BEND2: variants seen among roughly 807,000 people sequenced by gnomAD.
BEND2 encodes BEN domain-containing protein 2.
A neutral mutation model predicts 43.8 loss-of-function variants in BEND2; 19 were observed. The observed-to-expected ratio is 0.43, with a 90% CI of 0.30 to 0.64. The LOEUF is 0.64. Ranked by LOEUF, BEND2 falls within the 30% of genes least tolerant of loss-of-function variation. The pLI is 0.11. For missense variants in BEND2, 544 were observed against 574.0 expected (o/e 0.95, Z 0.53); for synonymous variants, 226 against 210.1 (o/e 1.08, Z -0.66).
chrX:18,200,910 G>A (rs1925123108), intron 6 of BEND2, among the ~76,000 whole-genome samples: 1 of 112,315 alleles, frequency 8.9e-6, no homozygotes, highest in Non-Finnish European at 1.9e-5. Context: ...AGTAAGATCT[G>A]TGGAGTGTAT....
rs1184410150 is a variant in BEND2 at position 18,174,272 on chromosome X, A to T, written c.1753-14T>A. The T allele has an allele frequency of 1.7e-6, 2 of 1,187,493 alleles. No homozygotes were observed. Among genetic ancestry groups the T allele is most frequent in the Non-Finnish European group, 2.3e-6 (2 of 875,103 alleles). On this transcript the variant is annotated splice_polypyrimidine_tract_variant and intron_variant, in intron 11 of 13. Transcript: ENST00000380033. Reference sequence around the variant, plus strand: ...GCGAACAGTTTTCTGTTGAAACACAAAATCATATCCGTAAACAAAGTCCCA... The same window carrying T: ...GCGAACAGTTTTCTGTTGAAACACATAATCATATCCGTAAACAAAGTCCCA...
intron 7 of BEND2, among the ~76,000 whole-genome samples, chrX:18,192,081 C>T (rs1490983190): frequency 1.8e-5 from 2 of 111,935 alleles, no homozygotes; most frequent in African/African-American, 6.5e-5. Context: ...TCAATCTCAC[C>T]AAAATTGCAA....
Position 18,165,491 on chromosome X carries a change from C to T in BEND2, c.2186-268G>A, listed in dbSNP as rs752337949. 3.6e-5 allele frequency among the ~76,000 whole-genome samples: 4 copies of T among 111,860 alleles called. No homozygotes were observed. The East Asian group carries it at 1.1e-3, about 32-fold the overall frequency. On this transcript the variant is annotated intron_variant, in intron 13 of 13. Coordinates refer to ENST00000380033, the MANE Select transcript of BEND2 (RefSeq NM_153346.5). ...ATACCAGAATAGAAATCCTCTGCTG[C>T]CTTGAGTACCCAAGGTCAACTTTTG...
At chrX:18,204,873 A>G (rs1365734981) in intron 4 of BEND2, among the ~76,000 whole-genome samples, 1 of 111,901 alleles carries the variant, frequency 8.9e-6, no homozygotes, top group Non-Finnish European at 1.9e-5. Context: ...TAAAAGACCA[A>G]ATACTCACTT....
chrX:18,191,403 C>G (rs778592818), intron 7 of BEND2, among the ~76,000 whole-genome samples: 8 of 111,774 alleles, frequency 7.2e-5, no homozygotes, highest in Non-Finnish European at 1.3e-4. Flanking sequence ...AACTAGGTCA[C>G]TCACATGTTG....
Position 18,177,601 on chromosome X carries a change from G to A in BEND2, c.1598C>T (p.Ser533Phe). The A allele has an allele frequency of 1.7e-6, 2 of 1,211,085 alleles. No homozygotes were observed. The highest frequency in any genetic ancestry group is 3.5e-5 in the South Asian group (2 of 56,934). ...TGCAGCCATTTTGTTCGGGTCGAGG[G>A]ATTGGCTGTCTTTCAAATGGATATC... Reference protein sequence around the residue: ...SVDIHLKDSQSLDPNKMAALR... With the variant: ...SVDIHLKDSQFLDPNKMAALR... Residue 533 changes from serine to phenylalanine, a missense_variant, in exon 10 of 14, where the codon TCC becomes TTC. Physicochemically the swap from Ser to Phe is radical, Grantham distance 155 (BLOSUM62 -2). This residue lies in a region of BEND2 where 501 missense variants were observed against 501.6 expected (regional missense o/e 1.00). Coordinates refer to ENST00000380033, the MANE Select transcript of BEND2 (RefSeq NM_153346.5).
At chrX:18,192,302 A>C (rs1924797658) in intron 7 of BEND2, among the ~76,000 whole-genome samples, 1 of 112,205 alleles carries the variant, frequency 8.9e-6, no homozygotes, top group Non-Finnish European at 1.9e-5. Context: ...GGGAAGATAA[A>C]GACATTCTCA....
chrX:18,170,272 G>A (rs2147388110), intron 13 of BEND2, among the ~76,000 whole-genome samples: 1 of 112,310 alleles, frequency 8.9e-6, no homozygotes, highest in Admixed American at 9.5e-5. Flanking sequence ...GGCATGTACT[G>A]TGTCACAATG....
intron 12 of BEND2, among the ~76,000 whole-genome samples, chrX:18,173,266 G>C (rs757978922): frequency 2.2e-4 from 24 of 111,509 alleles, no homozygotes; most frequent in Admixed American, 1.1e-3. Flanking sequence ...TTTGAATACA[G>C]GAGGTATTCA....
intron 1 of BEND2, among the ~76,000 whole-genome samples, chrX:18,217,639 G>T (rs184280860): frequency 9.0e-6 from 1 of 110,825 alleles, no homozygotes; most frequent in Non-Finnish European, 1.9e-5. Context: ...TTTTTTAAGA[G>T]TCACTCTGAA....
chrX:18,203,909 A>T lies in BEND2; in HGVS notation c.499T>A (p.Ser167Thr). The stretch of plus-strand genomic sequence containing the variant: ...CTTTCCGCTGGTGGTGATATGCTAG[A>T]CTGTACCTATCCAGGGTAAGAGAAC... ...RGRFYTPEVQ[S>T]SISPPAERQE... The change falls in exon 5 of 14, where the codon TCT (serine) becomes ACT (threonine). Residue 167 changes from serine to threonine, a missense_variant. This residue lies in a region of BEND2 where 501 missense variants were observed against 501.6 expected (regional missense o/e 1.00). Transcript: ENST00000380033. The T allele has an allele frequency of 8.4e-7, 1 of 1,189,622 alleles. No homozygotes were observed. The highest frequency in any genetic ancestry group is 1.1e-6 in the Non-Finnish European group (1 of 879,923).
intron 6 of BEND2, among the ~76,000 whole-genome samples, chrX:18,201,196 C>A (rs1342624655): frequency 1.8e-5 from 2 of 109,309 alleles, no homozygotes; most frequent in African/African-American, 6.7e-5. Flanking sequence ...GAGTTGGAGA[C>A]CAGCCTGACC....
In BEND2 at chrX:18,195,949, A is replaced by G. The variant is rs765537629; in HGVS notation, c.1034-507T>C. On this transcript the variant is annotated intron_variant, in intron 6 of 13. Transcript: ENST00000380033. ...GGGAGGGAAGGAAATGTTAAAACAG[A>G]AAGGGTATGATGAAAGAAATCCTGG... Among the ~76,000 whole-genome samples, 3 of 109,848 alleles carry G rather than the reference A, an allele frequency of 2.7e-5. No homozygotes were observed. In the East Asian group the frequency reaches 8.6e-4, roughly 32 times the overall value.
At chrX:18,191,130 T>C (rs748766252) in intron 7 of BEND2, 22 bp from the exon 8 acceptor site, 115 of 1,122,275 alleles carry the variant, frequency 1.0e-4, no homozygotes, top group Non-Finnish European at 1.3e-4. Flanking sequence ...AACATTTCAA[T>C]ATGTAAAACA....
chrX:18,193,639 T>C (rs768986768), intron 7 of BEND2, among the ~76,000 whole-genome samples: 19 of 111,658 alleles, frequency 1.7e-4, no homozygotes, highest in Non-Finnish European at 3.2e-4. Context: ...TACCTATATA[T>C]CTTAAATGAC....
chrX:18,212,242 G>A (rs1478646840), intron 4 of BEND2, among the ~76,000 whole-genome samples: 2 of 109,095 alleles, frequency 1.8e-5, no homozygotes, highest in African/African-American at 6.7e-5. Flanking sequence ...TTGCAGGCAT[G>A]CACCACCACG....
At chrX:18,203,979 T>C in intron 4 of BEND2, 64 bp from the exon 5 acceptor site, 1 of 1,019,412 alleles carries the variant, frequency 9.8e-7, no homozygotes, top group Non-Finnish European at 1.3e-6. Flanking sequence ...CTTCAATTTC[T>C]CCATGAGACA....
intron 7 of BEND2, among the ~76,000 whole-genome samples, chrX:18,191,346 C>T (rs867525442): frequency 2.2e-4 from 25 of 111,752 alleles, no homozygotes; most frequent in African/African-American, 7.5e-4. Flanking sequence ...TGCACCGTCA[C>T]GAAGGAAGAA....
rs758975403 is a variant in BEND2, at chrX:18,180,511, A to G, written c.1428T>C (p.Tyr476=). 1.7e-6 allele frequency: 2 copies of G among 1,207,781 alleles called. No homozygotes were observed. The highest frequency in any genetic ancestry group is 2.2e-5 in the Admixed American group (1 of 45,902). Residue 476 remains tyrosine, a splice_region_variant and synonymous_variant, in exon 9 of 14, where the codon TAT becomes TAC. Coordinates refer to ENST00000380033, the MANE Select transcript of BEND2 (RefSeq NM_153346.5). ...TAATGTGTGTTATTTCAAACTCACCATACTTGGGAGGGATACAGACAGATG... is the reference window on the plus strand; with the variant it reads ...TAATGTGTGTTATTTCAAACTCACCGTACTTGGGAGGGATACAGACAGATG... ...SSSSVCIPPK[Y]GYLGDPKRNV... is the part of the protein sequence containing the mutation.
Sources: allele counts gnomAD v4.1 joint callset (sites outside exome capture counted in the v4.1 genomes callset), GRCh38; gene constraint gnomAD v4.1.1; regional missense constraint gnomAD v4.1.1; transcripts MANE v1.5; gene names NCBI Gene and HGNC (gene_info 2026-07-23, HGNC 2026-07-21).